The following PRSS23 variants were observed in gnomAD, a reference collection of about 807,000 sequenced individuals.
PRSS23 encodes serine protease 23, also known as protease, serine 23.
A neutral mutation model predicts 34.7 loss-of-function variants in PRSS23; 25 were observed. That is an observed-to-expected ratio of 0.72 (90% CI 0.53 to 1.01). PRSS23 has a LOEUF of 1.01. Ranked by LOEUF, PRSS23 falls within the 50% of genes least tolerant of loss-of-function variation. The pLI is 0.00. For missense variants in PRSS23, 445 were observed against 475.6 expected, an observed-to-expected ratio of 0.94 and a Z score of 0.60; for synonymous variants, 176 against 186.6, an observed-to-expected ratio of 0.94 and a Z score of 0.46.
chr11:86,820,711 A>G (rs1041840786), intron 1 of PRSS23, among the ~76,000 whole-genome samples: 1 of 152,230 alleles, frequency 6.6e-6, no homozygotes, highest in Non-Finnish European at 1.5e-5. Context: ...TCTATGTACT[A>G]TAGAATTTTT....
upstream of PRSS23, among the ~76,000 whole-genome samples, chr11:86,799,632 T>C: frequency 6.6e-6 from 1 of 152,176 alleles, no homozygotes; most frequent in Non-Finnish European, 1.5e-5. Flanking sequence ...GCTCTAACAC[T>C]AGGACCTTAA....
intron 1 of PRSS23, among the ~76,000 whole-genome samples, chr11:86,817,069 C>T (rs1266958781): frequency 6.6e-6 from 1 of 152,116 alleles, no homozygotes; most frequent in Non-Finnish European, 1.5e-5. Flanking sequence ...GATTTATTTC[C>T]ATTCTATATT....
intron 2 of PRSS23, among the ~76,000 whole-genome samples, chr11:86,899,069 G>A (rs1257857834): frequency 6.6e-6 from 1 of 152,096 alleles, no homozygotes; most frequent in Non-Finnish European, 1.5e-5. Flanking sequence ...GTAAAGTTGG[G>A]AAGTATTTGT....
At chr11:86,934,498 A>G (rs1011977644) in intron 2 of PRSS23, 36 of 152,146 alleles carry the variant, frequency 2.4e-4, no homozygotes, top group African/African-American at 8.4e-4. Context: ...CTCACCCACA[A>G]AAACATTTGT....
intron 2 of PRSS23, among the ~76,000 whole-genome samples, chr11:86,858,877 A>C (rs556931721): frequency 6.6e-4 from 100 of 150,652 alleles, no homozygotes; most frequent in Middle Eastern, 7.1e-3. Context: ...ATGTACACCC[A>C]CCCCCTGTGA....
chr11:86,887,258 G>A (rs1318277984), intron 2 of PRSS23, among the ~76,000 whole-genome samples: 1 of 152,120 alleles, frequency 6.6e-6, no homozygotes, highest in Non-Finnish European at 1.5e-5. Context: ...AAGGTACATC[G>A]CAGGTGGGGA....
intron 2 of PRSS23, among the ~76,000 whole-genome samples, chr11:86,841,867 G>A (rs1004736518): frequency 2.0e-5 from 3 of 152,156 alleles, no homozygotes; most frequent in African/African-American, 4.8e-5. Context: ...AGAGGAACTG[G>A]TACCATTCCT....
intron 2 of PRSS23, among the ~76,000 whole-genome samples, chr11:86,890,768 T>C (rs1386834339): frequency 6.6e-6 from 1 of 152,084 alleles, no homozygotes; most frequent in Admixed American, 6.5e-5. Flanking sequence ...TGCAGTTTCC[T>C]GCTTAGCCCA....
chr11:86,796,791 T>C (rs1367675486), upstream of PRSS23, among the ~76,000 whole-genome samples: 1 of 152,208 alleles, frequency 6.6e-6, no homozygotes, highest in Non-Finnish European at 1.5e-5. Flanking sequence ...ATACAGTGGA[T>C]ATTTTTCTTC....
At position 86,910,061 on chromosome 11, in the gene PRSS23, A is replaced by G. The variant is rs554188764; in HGVS notation, c.207-41155A>G. The G allele has an allele frequency of 2.6e-5, 4 of 151,952 alleles. No homozygotes were observed. In the East Asian group the frequency reaches 5.8e-4, roughly 22 times the overall value. The allele number at this position is 151,952 out of a possible 1,614,324, so 9.4% of individuals were successfully genotyped here. The stretch of plus-strand genomic sequence containing the variant: ...TGTCCAAAAAACTTCAACTCTTTTG[A>G]ATTAGTCTCCAAATCTACACAAACC... On this transcript the variant is annotated intron_variant, in intron 2 of 2. Coordinates refer to the PRSS23 transcript ENST00000533902.
At chr11:86,889,019 G>T (rs1590914741) in intron 2 of PRSS23, among the ~76,000 whole-genome samples, 1 of 152,322 alleles carries the variant, frequency 6.6e-6, no homozygotes. Context: ...CACTCATGGT[G>T]GGGATGTGCC....
At chr11:86,827,120 T>G (rs1017768493) in intron 2 of PRSS23, among the ~76,000 whole-genome samples, 2 of 152,206 alleles carry the variant, frequency 1.3e-5, no homozygotes, top group Non-Finnish European at 2.9e-5. Context: ...ATCCATCTGG[T>G]CCTGGACTCA....
chr11:86,849,677 C>T (rs911151004), intron 2 of PRSS23, among the ~76,000 whole-genome samples: 4 of 152,180 alleles, frequency 2.6e-5, no homozygotes, highest in Non-Finnish European at 5.9e-5. Context: ...AAATAGTCAA[C>T]GGAGACTATT....
At position 86,858,568 on chromosome 11, in the gene PRSS23, T is replaced by A. The variant is rs138334014; in HGVS notation, c.206+34975T>A. Among the ~76,000 whole-genome samples the A allele has an allele frequency of 1.0e-3, 151 of 151,738 alleles. 1 individual carries two copies. Among genetic ancestry groups the A allele is most frequent in the African/African-American group, 3.6e-3 (150 of 41,328 alleles). ...ATGTTAATCCCAATGTTGCAACAGG[T>A]GTACAACTCCCTATATTTTTGTTTT... On this transcript the variant is annotated intron_variant, in intron 2 of 2. Coordinates refer to the PRSS23 transcript ENST00000533902.
chr11:86,879,194 CGG>C, intron 2 of PRSS23, among the ~76,000 whole-genome samples: 1 of 150,386 alleles, frequency 6.6e-6, no homozygotes, highest in Middle Eastern at 3.4e-3. Context: ...CTCTGCCCGG[CGG>C]CCCATCATCT....
At chr11:86,858,940 A>C (rs753822134) in intron 2 of PRSS23, among the ~76,000 whole-genome samples, 1 of 151,858 alleles carries the variant, frequency 6.6e-6, no homozygotes, top group Non-Finnish European at 1.5e-5. Flanking sequence ...CCAATATCGC[A>C]GAGGCAGTAC....
chr11:86,803,177 G>A (rs1200576461), intron 1 of PRSS23, among the ~76,000 whole-genome samples: 1 of 152,154 alleles, frequency 6.6e-6, no homozygotes, highest in African/African-American at 2.4e-5. Context: ...TCCTAGAAAT[G>A]AAACGTTATA....
rs577696984 is a variant in PRSS23, at chr11:86,816,589, T to C, written c.-11-6788T>C. On this transcript the variant is annotated intron_variant, in intron 1 of 2. Transcript: ENST00000533902. ...CCCAGTTCCCTGATGGAAAATGCCA[T>C]GTTTGGTAAACTAACATAGCCCCCA... Among the ~76,000 whole-genome samples the C allele has an allele frequency of 9.2e-5, 14 of 152,348 alleles. No homozygotes were observed. In the East Asian group the frequency reaches 2.5e-3, roughly 27 times the overall value.
chr11:86,832,456 G>A (rs530443291), intron 2 of PRSS23: 74 of 195,398 alleles, frequency 3.8e-4, no homozygotes, highest in Non-Finnish European at 6.0e-4. Context: ...GATATTATTC[G>A]TATTTGACCT....
Sources: allele counts gnomAD v4.1 joint callset (sites outside exome capture counted in the v4.1 genomes callset), GRCh38; gene constraint gnomAD v4.1.1; transcripts MANE v1.5; gene names NCBI Gene and HGNC (gene_info 2026-07-23, HGNC 2026-07-21).